Variants in ADGB observed in about 807,000 individuals in gnomAD.
ADGB encodes the protein androglobin, also known as calpain-7-like protein.
A neutral mutation model predicts 210.5 loss-of-function variants in ADGB; 172 were observed. The ratio of observed to expected loss-of-function variants is 0.82; its 90% CI spans 0.72 to 0.93. The LOEUF is 0.93. ADGB is among the 40% of genes least tolerant of loss of function. ADGB has a pLI of 0.00. For synonymous variants in ADGB, 658 were observed against 662.7 expected (o/e 0.99, Z 0.11); for missense variants, 2,025 against 1,964.8 (o/e 1.03, Z -0.58).
At position 146,710,613 on chromosome 6, in the gene ADGB, C is replaced by T. The variant is rs190927479; in HGVS notation, c.1708-4769C>T. The stretch of plus-strand genomic sequence containing the variant: ...GGGCACATCATCACATACAGATGAA[C>T]AAATCTATTAGTGTTAATTAGAAAG... On this transcript the variant is annotated intron_variant, in intron 13 of 35. Transcript: ENST00000397944. Among the ~76,000 whole-genome samples the T allele has an allele frequency of 3.4e-3, 511 of 151,814 alleles. 6 individuals are homozygous for T. Among genetic ancestry groups the T allele is most frequent in the African/African-American group, 0.012 (489 of 41,404 alleles).
chr6:146,756,309 T>C lies in ADGB; in HGVS notation c.3550+3595T>C, dbSNP rs149380203. ...ATTCTCCCCAGAGCTTTCTGCAAGA[T>C]AGACCTTGCCACGTGTGGCTCTACT... On this transcript the variant is annotated intron_variant, in intron 27 of 35. Coordinates refer to ENST00000397944, the MANE Select transcript of ADGB (RefSeq NM_024694.4). 2.6e-4 allele frequency among the ~76,000 whole-genome samples: 39 copies of C among 152,254 alleles called. No homozygotes were observed. In the East Asian group the frequency reaches 6.0e-3, roughly 23 times the overall value.
intron 28 of ADGB, among the ~76,000 whole-genome samples, chr6:146,766,536 A>G (rs1777577850): frequency 6.6e-6 from 1 of 151,976 alleles, no homozygotes; most frequent in Non-Finnish European, 1.5e-5. Context: ...GAGAGGAGAA[A>G]TCGCAGAGTT....
At position 146,616,808 on chromosome 6, in the gene ADGB, T is replaced by C. The variant is rs1407664334; in HGVS notation, c.74+17694T>C. The stretch of plus-strand genomic sequence containing the variant: ...GTTTATGTGTCTGGTTTTGTTGTTG[T>C]TGTTGTTTTGCCAGTACCATGCTTC... On this transcript the variant is annotated intron_variant, in intron 1 of 35. Coordinates refer to ENST00000397944, the MANE Select transcript of ADGB (RefSeq NM_024694.4). Among the ~76,000 whole-genome samples, 27 of 152,172 alleles carry C rather than the reference T, an allele frequency of 1.8e-4. No individual in the cohort carries two copies. The East Asian group carries it at 5.2e-3, about 29-fold the overall frequency.
At chr6:146,729,785 A>G (rs1048095701) in intron 20 of ADGB, among the ~76,000 whole-genome samples, 2 of 152,104 alleles carry the variant, frequency 1.3e-5, no homozygotes, top group Non-Finnish European at 2.9e-5. Context: ...TTACCTGTAT[A>G]TGTCTAGGAA....
rs1777794288 is a variant in ADGB at position 146,781,189 on chromosome 6, A to AAG, written c.3863-830_3863-829insGA. ...AAAAATACAAAAAAAAAAAAAAAAA[A>AAG]AAAATTAGCCGGGCGTGGTGGCGGG... On this transcript the variant is annotated intron_variant, in intron 29 of 35. Coordinates refer to ENST00000397944, the MANE Select transcript of ADGB (RefSeq NM_024694.4). Among the ~76,000 whole-genome samples the AAG allele has an allele frequency of 2.1e-5, 3 of 143,086 alleles. No homozygotes were observed. The South Asian group carries it at 6.4e-4, about 31-fold the overall frequency. 93.9% of individuals were successfully genotyped at this position (143,086 alleles called of 152,430 possible). A position where few individuals can be genotyped will look rare whatever the true frequency, so the allele number is the denominator to read the frequency against.
At chr6:146,625,780 T>C (rs1780962868) in intron 1 of ADGB, among the ~76,000 whole-genome samples, 1 of 152,060 alleles carries the variant, frequency 6.6e-6, no homozygotes, top group Non-Finnish European at 1.5e-5. Flanking sequence ...GTTAAACCTC[T>C]TTTCTTTATA....
chr6:146,719,511 A>G (rs569041837), intron 16 of ADGB, among the ~76,000 whole-genome samples: 1 of 152,288 alleles, frequency 6.6e-6, no homozygotes, highest in African/African-American at 2.4e-5. Flanking sequence ...GGCATTTAGC[A>G]TGGCCTGAAA....
At chr6:146,814,032 GCTCT>G (rs1302172915) in intron 35 of ADGB, among the ~76,000 whole-genome samples, 1 of 152,014 alleles carries the variant, frequency 6.6e-6, no homozygotes, top group African/African-American at 2.4e-5. Context: ...TCATTCTCTT[GCTCT>G]CTTTCTAATA....
At chr6:146,629,662 A>G (rs148898118) in intron 1 of ADGB, among the ~76,000 whole-genome samples, 1 of 152,296 alleles carries the variant, frequency 6.6e-6, no homozygotes, top group Non-Finnish European at 1.5e-5. Context: ...TTTGATGGAC[A>G]AAATCACCAA....
At chr6:146,657,002 T>G in intron 5 of ADGB, 22 bp downstream of exon 5, 6 of 1,518,662 alleles carry the variant, frequency 4.0e-6, no homozygotes, top group Non-Finnish European at 5.4e-6. Flanking sequence ...TTCGTGTGCA[T>G]AAAAACTCAT....
chr6:146,603,801 AAAATAGAGGAAC>A, intron 1 of ADGB, among the ~76,000 whole-genome samples: 1 of 152,330 alleles, frequency 6.6e-6, no homozygotes. Flanking sequence ...AAAACAACAT[AAAATAGAGGAAC>A]AAATATCTTG....
chr6:146,737,930 C>T (rs1465192527), intron 23 of ADGB, among the ~76,000 whole-genome samples: 2 of 152,122 alleles, frequency 1.3e-5, no homozygotes, highest in East Asian at 3.9e-4. Context: ...GCTTTGAGTT[C>T]TACATACACA....
In ADGB at chr6:146,779,943, T is replaced by G. The variant is rs562941536; in HGVS notation, c.3863-2077T>G. Among the ~76,000 whole-genome samples, 22 of 151,246 alleles carry G rather than the reference T, an allele frequency of 1.5e-4. No homozygotes were observed. In the East Asian group the frequency reaches 3.9e-3, roughly 27 times the overall value. Reference sequence around the variant, plus strand: ...ACCAGTAAAACTACATAGATAAATATGAAAGTCAATATAAATGTATTTTTT... The same window carrying G: ...ACCAGTAAAACTACATAGATAAATAGGAAAGTCAATATAAATGTATTTTTT... On this transcript the variant is annotated intron_variant, in intron 29 of 35. Coordinates refer to ENST00000397944, the MANE Select transcript of ADGB (RefSeq NM_024694.4).
chr6:146,755,378 G>A lies in ADGB; in HGVS notation c.3550+2664G>A, dbSNP rs140602892. On this transcript the variant is annotated intron_variant, in intron 27 of 35. Transcript: ENST00000397944. Reference sequence around the variant, plus strand: ...CTCCACATGTTGGGAGAGGGACCTCGTGGGAGGTGATTAGACCATGGGATG... The same window carrying A: ...CTCCACATGTTGGGAGAGGGACCTCATGGGAGGTGATTAGACCATGGGATG... Among the ~76,000 whole-genome samples the A allele has an allele frequency of 9.2e-5, 14 of 152,180 alleles. No homozygotes were observed. The East Asian group carries it at 2.5e-3, about 27-fold the overall frequency.
chr6:146,664,445 G>A, intron 6 of ADGB, 105 bp downstream of exon 6: 3 of 1,212,064 alleles, frequency 2.5e-6, no homozygotes, highest in Non-Finnish European at 3.3e-6. Flanking sequence ...CTAAAAGACA[G>A]CTTTTTCCCC....
At chr6:146,660,234 C>A (rs1775836850) in intron 5 of ADGB, among the ~76,000 whole-genome samples, 1 of 152,068 alleles carries the variant, frequency 6.6e-6, no homozygotes, top group African/African-American at 2.4e-5. Context: ...ATTTGAGGAA[C>A]AATGTTTGCA....
chr6:146,604,326 CG>C (rs1283512264), intron 1 of ADGB, among the ~76,000 whole-genome samples: 2 of 152,152 alleles, frequency 1.3e-5, no homozygotes, highest in Non-Finnish European at 1.5e-5. Flanking sequence ...CCCAAGTCCA[CG>C]CAGGGGAAGT....
At chr6:146,757,903 A>C (rs899842037) in intron 27 of ADGB, among the ~76,000 whole-genome samples, 1 of 152,032 alleles carries the variant, frequency 6.6e-6, no homozygotes, top group Non-Finnish European at 1.5e-5. Context: ...AGTGTGAATA[A>C]GACTTTGAGG....
At chr6:146,802,715 C>T in intron 35 of ADGB, 1 of 1,341,568 alleles carries the variant, frequency 7.5e-7, no homozygotes, top group African/African-American at 1.5e-5. Context: ...GTTCACAGTT[C>T]TCAGACGAGA....
Sources: allele counts gnomAD v4.1 joint callset (sites outside exome capture counted in the v4.1 genomes callset), GRCh38; gene constraint gnomAD v4.1.1; transcripts MANE v1.5; gene names NCBI Gene and HGNC (gene_info 2026-07-23, HGNC 2026-07-21).